Variants in CSMD1 observed in about 807,000 individuals in gnomAD.
CSMD1 encodes CUB and Sushi multiple domains 1.
In CSMD1, 213 loss-of-function variants were observed where a neutral mutation model predicts 417.5. The observed-to-expected ratio is 0.51, with a 90% CI of 0.46 to 0.57. The LOEUF (loss-of-function observed/expected upper bound fraction) is 0.57, where lower values mean the gene tolerates loss of function less well. CSMD1 is among the 20% of genes least tolerant of loss of function. The pLI, the probability that CSMD1 is intolerant of heterozygous loss-of-function variation, is 0.00. For synonymous variants in CSMD1, 2,862 were observed against 1,736.8 expected, an observed-to-expected ratio of 1.65 and a Z score of -16.11; for missense variants, 6,923 against 4,529.7, an observed-to-expected ratio of 1.53 and a Z score of -15.17.
intron 1 of CSMD1, among the ~76,000 whole-genome samples, chr8:4,713,323 G>A (rs865871687): frequency 3.9e-5 from 6 of 152,190 alleles, no homozygotes; most frequent in African/African-American, 1.4e-4. Flanking sequence ...GACCCATCCG[G>A]TGGTGTGGTG....
chr8:4,398,453 G>A (rs1042997505), intron 3 of CSMD1, among the ~76,000 whole-genome samples: 1 of 145,542 alleles, frequency 6.9e-6, no homozygotes, highest in Non-Finnish European at 1.5e-5. Context: ...GAGCGCAGTG[G>A]TGCGATCTCG....
intron 3 of CSMD1, among the ~76,000 whole-genome samples, chr8:4,120,322 G>C (rs889359907): frequency 1.6e-4 from 25 of 152,248 alleles, no homozygotes; most frequent in African/African-American, 6.0e-4. Flanking sequence ...CAATTTTATT[G>C]ATTACTTAGC....
At chr8:3,648,918 C>A (rs1047404602) in intron 7 of CSMD1, among the ~76,000 whole-genome samples, 1 of 152,138 alleles carries the variant, frequency 6.6e-6, no homozygotes, top group Admixed American at 6.5e-5. Context: ...CCAAGTGTAA[C>A]AACAGCTATT....
intron 3 of CSMD1, among the ~76,000 whole-genome samples, chr8:4,213,480 G>C (rs573710144): frequency 1.3e-5 from 2 of 152,336 alleles, no homozygotes; most frequent in African/African-American, 2.4e-5. Flanking sequence ...CCAGTTACTA[G>C]AATGAAAAAC....
intron 40 of CSMD1, among the ~76,000 whole-genome samples, chr8:3,144,459 C>G (rs1356218361): frequency 2.0e-5 from 3 of 151,930 alleles, no homozygotes; most frequent in Non-Finnish European, 2.9e-5. Context: ...AAAGAAAGAT[C>G]TTTAATAATT....
intron 3 of CSMD1, among the ~76,000 whole-genome samples, chr8:4,083,121 T>A (rs530256241): frequency 6.6e-6 from 1 of 152,254 alleles, no homozygotes; most frequent in Non-Finnish European, 1.5e-5. Flanking sequence ...GTCCTTTTAG[T>A]ATATACCCAG....
At chr8:4,644,776 T>G (rs1350966907) in intron 1 of CSMD1, among the ~76,000 whole-genome samples, 1 of 152,222 alleles carries the variant, frequency 6.6e-6, no homozygotes, top group Non-Finnish European at 1.5e-5. Flanking sequence ...TGCTTACGCA[T>G]TGATGATCTC....
intron 12 of CSMD1, among the ~76,000 whole-genome samples, chr8:3,450,903 A>G (rs963941734): frequency 1.3e-4 from 20 of 151,870 alleles, no homozygotes; most frequent in Non-Finnish European, 2.6e-4. Context: ...GACTTCCACA[A>G]TGGTTGAACT....
intron 3 of CSMD1, among the ~76,000 whole-genome samples, chr8:4,411,804 T>C (rs1038994110): frequency 6.6e-6 from 1 of 152,218 alleles, no homozygotes; most frequent in African/African-American, 2.4e-5. Flanking sequence ...GGCATATGCA[T>C]TCACATAGCT....
chr8:3,312,797 C>T (rs567915097), intron 23 of CSMD1, among the ~76,000 whole-genome samples: 28 of 119,386 alleles, frequency 2.3e-4, no homozygotes, highest in Middle Eastern at 4.9e-3. Flanking sequence ...CTCTCAGGTT[C>T]TCAAAGGCAG....
chr8:4,788,765 A>G (rs906289051), intron 1 of CSMD1, among the ~76,000 whole-genome samples: 3 of 152,204 alleles, frequency 2.0e-5, no homozygotes, highest in African/African-American at 7.2e-5. Context: ...AAAATAAAAA[A>G]AAATAAAGGG....
chr8:2,939,092 G>T (rs1408579390), intron 69 of CSMD1, among the ~76,000 whole-genome samples: 1 of 152,172 alleles, frequency 6.6e-6, no homozygotes, highest in East Asian at 1.9e-4. Flanking sequence ...AGCCTCCTGG[G>T]TAACTGGGAT....
intron 3 of CSMD1, among the ~76,000 whole-genome samples, chr8:4,370,089 C>G (rs1325799128): frequency 6.6e-6 from 1 of 151,710 alleles, no homozygotes; most frequent in Non-Finnish European, 1.5e-5. Flanking sequence ...GTCATTCTTT[C>G]ATTTCCATAT....
intron 5 of CSMD1, among the ~76,000 whole-genome samples, chr8:3,756,537 C>G (rs1215197846): frequency 6.6e-6 from 1 of 152,056 alleles, no homozygotes; most frequent in Non-Finnish European, 1.5e-5. Flanking sequence ...AGATACGATC[C>G]TAATGTAAAA....
rs188852797 is a variant in CSMD1 at position 4,759,494 on chromosome 8, C to T, written c.86-121936G>A. On this transcript the variant is annotated intron_variant, in intron 1 of 69. Coordinates refer to ENST00000635120, the MANE Select transcript of CSMD1 (RefSeq NM_033225.6). ...TGTGTGGCATGCTGGTTTGCTGCAC[C>T]TATCAACCCATCACCTAGGTATTAA... Among the ~76,000 whole-genome samples the T allele has an allele frequency of 2.9e-3, 437 of 152,280 alleles. 2 individuals are homozygous for T. Among genetic ancestry groups the T allele is most frequent in the Non-Finnish European group, 5.2e-3 (353 of 68,026 alleles).
At chr8:4,040,531 A>G (rs1042463266) in intron 3 of CSMD1, among the ~76,000 whole-genome samples, 12 of 152,190 alleles carry the variant, frequency 7.9e-5, no homozygotes, top group Admixed American at 6.5e-4. Flanking sequence ...ACATCAGAAG[A>G]GGTGATGATA....
chr8:4,808,291 A>G (rs1160379815), intron 1 of CSMD1, among the ~76,000 whole-genome samples: 1 of 152,136 alleles, frequency 6.6e-6, no homozygotes, highest in Non-Finnish European at 1.5e-5. Context: ...AAGGGTGCTA[A>G]TTATTTGCTT....
At chr8:3,242,746 G>C (rs1395213920) in intron 26 of CSMD1, among the ~76,000 whole-genome samples, 1 of 151,540 alleles carries the variant, frequency 6.6e-6, no homozygotes, top group African/African-American at 2.4e-5. Context: ...AGAGAGTAGA[G>C]ACATGGAGGG....
intron 1 of CSMD1, among the ~76,000 whole-genome samples, chr8:4,951,603 C>T (rs118123463): frequency 0.026 from 3,850 of 149,534 alleles, 148 homozygotes; most frequent in East Asian, 0.14. Context: ...GAAAAACCTG[C>T]GGGGTTTTTT....
Sources: gnomAD v4.1 joint callset for allele counts (sites outside exome capture counted in the v4.1 genomes callset) on GRCh38, gnomAD v4.1.1 for gene constraint, MANE v1.5 for transcripts, NCBI Gene and HGNC (gene_info 2026-07-23, HGNC 2026-07-21) for gene names.